SRGAP2C: variants seen among roughly 807,000 people sequenced by gnomAD.
SRGAP2C encodes SLIT-ROBO Rho GTPase activating protein 2C.
SRGAP2C carries 15 observed loss-of-function variants against 25.1 expected under a neutral mutation model. The ratio of observed to expected loss-of-function variants is 0.60; its 90% CI spans 0.40 to 0.92. The LOEUF is 0.92. SRGAP2C is among the 40% of genes least tolerant of loss of function. SRGAP2C has a pLI of 0.00. For missense variants in SRGAP2C, 144 were observed against 264.4 expected, an observed-to-expected ratio of 0.54 and a Z score of 3.16; for synonymous variants, 44 against 96.6, an observed-to-expected ratio of 0.46 and a Z score of 3.19.
chr1:121,314,505 C>A (rs1335336046), intron 3 of SRGAP2C, among the ~76,000 whole-genome samples: 122 of 152,216 alleles, frequency 8.0e-4, no homozygotes, highest in Middle Eastern at 3.4e-3. Flanking sequence ...AGGCGCTCTG[C>A]GTTTTAGAGT....
rs1657327252 is a variant in SRGAP2C at position 121,284,990 on chromosome 1, A to G, written c.255A>G (p.Gln85=). The change falls in exon 3 of 10, where the codon CAA becomes CAG. Residue 85 remains glutamine, a synonymous_variant. Coordinates refer to ENST00000367123, the MANE Select transcript of SRGAP2C (RefSeq NM_001329984.2). ...AGACACGCAGCACCAAGGACCAGCAATTCAAGTAGGGGCTCTGTGGCTATT... is the reference window on the plus strand; with the variant it reads ...AGACACGCAGCACCAAGGACCAGCAGTTCAAGTAGGGGCTCTGTGGCTATT... The part of the protein sequence containing the change: ...LAKTRSTKDQ[Q]FKKDQNVLSP... 1.3e-6 allele frequency: 2 copies of G among 1,515,000 alleles called. No individual in the cohort carries two copies. Among genetic ancestry groups the G allele is most frequent in the African/African-American group, 2.8e-5 (2 of 71,754 alleles). The allele number at this position is 1,515,000 out of a possible 1,614,324, so 93.8% of individuals were successfully genotyped here.
Position 121,370,935 on chromosome 1 carries a change from T to C in SRGAP2C, c.487-3036T>C, listed in dbSNP as rs587724122. Among the ~76,000 whole-genome samples, 3 of 151,700 alleles carry C rather than the reference T, an allele frequency of 2.0e-5. No individual in the cohort carries two copies. In the South Asian group the frequency reaches 6.3e-4, roughly 32 times the overall value. ...GGCTTCAGCTTCCATTCTTTTTGTT[T>C]TTCTCAATTTATACCTAAATGATAA... On this transcript the variant is annotated intron_variant, in intron 5 of 9. Coordinates refer to ENST00000367123, the MANE Select transcript of SRGAP2C (RefSeq NM_001329984.2).
chr1:121,273,294 G>A (rs1233455202), intron 2 of SRGAP2C, among the ~76,000 whole-genome samples: 1,462 of 96,304 alleles, frequency 0.015, 443 homozygotes, highest in Non-Finnish European at 0.02. Flanking sequence ...AAAAAACTGT[G>A]GTCAACTAAA....
At chr1:121,191,024 C>T (rs1194030302) in intron 2 of SRGAP2C, among the ~76,000 whole-genome samples, 2 of 152,128 alleles carry the variant, frequency 1.3e-5, no homozygotes, top group African/African-American at 4.8e-5. Flanking sequence ...GTAGTTTCTT[C>T]TTAAAAACCA....
At chr1:121,334,846 A>AT (rs1461768501) in intron 4 of SRGAP2C, among the ~76,000 whole-genome samples, 13 of 136,598 alleles carry the variant, frequency 9.5e-5, no homozygotes, top group African/African-American at 3.3e-4. Context: ...TTTGGCAAAT[A>AT]TTTTTTTCTG....
chr1:121,372,898 CACACACAT>C (rs782479250), intron 5 of SRGAP2C, among the ~76,000 whole-genome samples: 1 of 72,530 alleles, frequency 1.4e-5, no homozygotes, highest in Non-Finnish European at 3.1e-5. Context: ...CACACACACA[CACACACAT>C]GCACACACAC....
At chr1:121,379,132 C>T (rs1468164566) in intron 7 of SRGAP2C, among the ~76,000 whole-genome samples, 1 of 152,162 alleles carries the variant, frequency 6.6e-6, no homozygotes, top group Non-Finnish European at 1.5e-5. Context: ...ACCATGTGCA[C>T]CCAAGTCGGA....
chr1:121,196,405 C>T (rs1158860125), intron 2 of SRGAP2C, among the ~76,000 whole-genome samples: 1 of 84,188 alleles, frequency 1.2e-5, no homozygotes, highest in African/African-American at 5.3e-5. Flanking sequence ...ATTTCACCCA[C>T]ACAGTGCTTC....
chr1:121,312,448 A>C, intron 3 of SRGAP2C, among the ~76,000 whole-genome samples: 1 of 16,290 alleles, frequency 6.1e-5, no homozygotes. Context: ...GATTTTAGTT[A>C]TTTCTTGCCT....
At chr1:121,320,864 A>G (rs1416850425) in intron 3 of SRGAP2C, among the ~76,000 whole-genome samples, 17 of 152,224 alleles carry the variant, frequency 1.1e-4, no homozygotes, top group African/African-American at 3.8e-4. Flanking sequence ...ATGGTATGAT[A>G]TTAAGCATGT....
At chr1:121,260,618 AGAATTGAGGG>A (rs1174923523) in intron 2 of SRGAP2C, among the ~76,000 whole-genome samples, 1 of 141,830 alleles carries the variant, frequency 7.1e-6, no homozygotes, top group Non-Finnish European at 1.5e-5. Flanking sequence ...GATCTTTCTA[AGAATTGAGGG>A]GAAAGTTGAT....
intron 2 of SRGAP2C, among the ~76,000 whole-genome samples, chr1:121,268,729 G>A (rs1205237050): frequency 1.8e-5 from 2 of 110,820 alleles, no homozygotes; most frequent in Non-Finnish European, 4.4e-5. Context: ...ACCGTTACTG[G>A]GGTAGGGAAC....
At chr1:121,228,590 G>A (rs1655738425) in intron 2 of SRGAP2C, among the ~76,000 whole-genome samples, 1 of 150,236 alleles carries the variant, frequency 6.7e-6, no homozygotes, top group Admixed American at 6.6e-5. Flanking sequence ...CTATAGAGGT[G>A]GCAATTGAGG....
chr1:121,392,266 C>CT lies in SRGAP2C; in HGVS notation c.*4415dup, dbSNP rs1158619442. 1 of 152,148 alleles carries CT rather than the reference C, an allele frequency of 6.6e-6. No individual in the cohort carries two copies. The highest frequency in any genetic ancestry group is 1.9e-4 in the East Asian group (1 of 5,204). 9.4% of individuals were successfully genotyped at this position (152,148 alleles called of 1,614,324 possible). ...GTTGTTAAAAAGTTTACCATTCTTTCTTTTCACCTTTCTTCCTTCTTCCTT... is the reference window on the plus strand; with the variant it reads ...GTTGTTAAAAAGTTTACCATTCTTTCTTTTTCACCTTTCTTCCTTCTTCCTT... On this transcript the variant is annotated 3_prime_UTR_variant, in exon 10 of 10. Coordinates refer to ENST00000367123, the MANE Select transcript of SRGAP2C (RefSeq NM_001329984.2).
At chr1:121,238,513 A>G (rs1452679662) in intron 2 of SRGAP2C, among the ~76,000 whole-genome samples, 4 of 152,164 alleles carry the variant, frequency 2.6e-5, no homozygotes, top group African/African-American at 4.8e-5. Flanking sequence ...GATAAGAGCT[A>G]TAGTGGTCTT....
chr1:121,368,104 A>G (rs1285920107), intron 5 of SRGAP2C, among the ~76,000 whole-genome samples: 2 of 101,606 alleles, frequency 2.0e-5, no homozygotes, highest in African/African-American at 3.8e-5. Context: ...AAGGAAAAAA[A>G]GAGAAAGTTC....
intron 4 of SRGAP2C, among the ~76,000 whole-genome samples, chr1:121,350,543 G>A (rs1422893166): frequency 6.6e-6 from 1 of 151,908 alleles, no homozygotes; most frequent in African/African-American, 2.4e-5. Context: ...TGTTTAATAT[G>A]TTTATGAGAT....
At chr1:121,221,710 C>CA (rs782207301) in intron 2 of SRGAP2C, among the ~76,000 whole-genome samples, 7,107 of 21,586 alleles carry the variant, frequency 0.33, 1,589 homozygotes, top group Non-Finnish European at 0.38. Context: ...GACAACGTCT[C>CA]AAAAAAAAAA....
At chr1:121,264,121 T>G (rs1261493899) in intron 2 of SRGAP2C, among the ~76,000 whole-genome samples, 1 of 151,838 alleles carries the variant, frequency 6.6e-6, no homozygotes, top group Non-Finnish European at 1.5e-5. Flanking sequence ...ATCTAAATGA[T>G]GAGACTGATC....
Sources: allele counts gnomAD v4.1 joint callset (sites outside exome capture counted in the v4.1 genomes callset), GRCh38; gene constraint gnomAD v4.1.1; transcripts MANE v1.5; gene names NCBI Gene and HGNC (gene_info 2026-07-23, HGNC 2026-07-21).